The following METTL15 variants were observed in gnomAD, a reference collection of about 807,000 sequenced individuals.
METTL15 encodes the protein methyltransferase 15, mitochondrial 12S rRNA N4-cytidine, also known as 12S rRNA N(4)-cytidine methyltransferase METTL15.
A neutral mutation model predicts 38.3 loss-of-function variants in METTL15; 34 were observed. The observed-to-expected ratio is 0.89, with a 90% CI of 0.68 to 1.18. The LOEUF is 1.18. Ranked by LOEUF, METTL15 falls within the 50% of genes most tolerant of loss-of-function variation. METTL15 has a pLI of 0.00. For synonymous variants in METTL15, 162 were observed against 170.9 expected (o/e 0.95, Z 0.41); for missense variants, 438 against 498.4 (o/e 0.88, Z 1.15).
intron 6 of METTL15, among the ~76,000 whole-genome samples, chr11:28,301,363 C>T (rs1446002120): frequency 6.6e-6 from 1 of 152,036 alleles, no homozygotes; most frequent in Non-Finnish European, 1.5e-5. Context: ...AAGTTTTTTC[C>T]AACTTTACTC....
intron 6 of METTL15, among the ~76,000 whole-genome samples, chr11:28,520,420 G>T (rs1258626763): frequency 6.6e-6 from 1 of 152,142 alleles, no homozygotes; most frequent in Non-Finnish European, 1.5e-5. Context: ...AGAAGACCTG[G>T]GTGAGGCTGC....
At chr11:28,522,351 A>G (rs2133513188) in intron 6 of METTL15, among the ~76,000 whole-genome samples, 1 of 152,352 alleles carries the variant, frequency 6.6e-6, no homozygotes, top group East Asian at 1.9e-4. Context: ...AAAATCTGCA[A>G]AATGGCCCAG....
At chr11:28,250,703 A>T (rs1854704671) in intron 4 of METTL15, among the ~76,000 whole-genome samples, 1 of 152,070 alleles carries the variant, frequency 6.6e-6, no homozygotes, top group African/African-American at 2.4e-5. Context: ...AAGCCAAATC[A>T]ACCTTCTCTT....
intron 6 of METTL15, among the ~76,000 whole-genome samples, chr11:28,454,125 G>A (rs998843234): frequency 1.3e-5 from 2 of 152,180 alleles, no homozygotes; most frequent in Non-Finnish European, 2.9e-5. Context: ...AGTAGAATTT[G>A]TTTAGTTCTA....
intron 4 of METTL15, among the ~76,000 whole-genome samples, chr11:28,226,360 G>T (rs1055837626): frequency 6.6e-6 from 1 of 151,850 alleles, no homozygotes; most frequent in Non-Finnish European, 1.5e-5. Context: ...TGTTTTGTTT[G>T]TTTTCAGAAA....
chr11:28,501,905 CTGGCT>C (rs1457966497), intron 6 of METTL15, among the ~76,000 whole-genome samples: 1 of 152,090 alleles, frequency 6.6e-6, no homozygotes, highest in Non-Finnish European at 1.5e-5. Context: ...CGAGACTATC[CTGGCT>C]AGCGTGGTGA....
chr11:28,302,700 A>C (rs1287334845), intron 6 of METTL15, among the ~76,000 whole-genome samples: 3 of 152,172 alleles, frequency 2.0e-5, no homozygotes, highest in Non-Finnish European at 4.4e-5. Flanking sequence ...TATCAGCAGC[A>C]TGAAAATGAC....
intron 5 of METTL15, among the ~76,000 whole-genome samples, chr11:28,392,065 T>A (rs1228519177): frequency 2.0e-5 from 3 of 152,118 alleles, no homozygotes; most frequent in Non-Finnish European, 4.4e-5. Context: ...AATCTACTCT[T>A]CAGACAAAGG....
chr11:28,527,176 G>T (rs1257268183), downstream of METTL15: 1 of 152,152 alleles, frequency 6.6e-6, no homozygotes, highest in Non-Finnish European at 1.5e-5. Flanking sequence ...AAGAACACTT[G>T]ATTTATTTTA....
At chr11:28,327,961 A>C in intron 6 of METTL15, 1 of 835,882 alleles carries the variant, frequency 1.2e-6, no homozygotes, top group East Asian at 3.1e-5. Flanking sequence ...ATTTCTGCAA[A>C]ATATCAAAGA....
chr11:28,417,370 A>G (rs1277598278), intron 5 of METTL15, among the ~76,000 whole-genome samples: 2 of 152,218 alleles, frequency 1.3e-5, no homozygotes, highest in African/African-American at 4.8e-5. Context: ...TTTAAGTCCC[A>G]ATCTATTGTC....
intron 4 of METTL15, among the ~76,000 whole-genome samples, chr11:28,269,334 T>C (rs1382821660): frequency 6.6e-6 from 1 of 152,052 alleles, no homozygotes; most frequent in Non-Finnish European, 1.5e-5. Flanking sequence ...CATGAATATA[T>C]ATGCATGTGC....
intron 3 of METTL15, among the ~76,000 whole-genome samples, chr11:28,124,953 C>G (rs1411713380): frequency 6.6e-6 from 1 of 151,986 alleles, no homozygotes; most frequent in Non-Finnish European, 1.5e-5. Flanking sequence ...AGTAGAAAAA[C>G]TTGATTTTTC....
intron 6 of METTL15, among the ~76,000 whole-genome samples, chr11:28,298,265 T>G (rs1856806361): frequency 1.3e-5 from 2 of 152,152 alleles, no homozygotes; most frequent in Non-Finnish European, 2.9e-5. Context: ...CTTTCTGTAA[T>G]TATTTAGCTA....
chr11:28,288,174 G>A (rs536606649), intron 4 of METTL15, among the ~76,000 whole-genome samples: 23 of 152,192 alleles, frequency 1.5e-4, no homozygotes, highest in African/African-American at 5.5e-4. Flanking sequence ...ATAGATGCTG[G>A]CGAGGTTGCA....
At chr11:28,220,777 T>C (rs868363259) in intron 4 of METTL15, among the ~76,000 whole-genome samples, 24 of 152,090 alleles carry the variant, frequency 1.6e-4, no homozygotes, top group South Asian at 2.1e-4. Flanking sequence ...AATCTCTCAG[T>C]ATTTGCTTGT....
intron 5 of METTL15, among the ~76,000 whole-genome samples, chr11:28,400,654 T>C (rs1850622332): frequency 6.6e-6 from 1 of 151,992 alleles, no homozygotes; most frequent in Non-Finnish European, 1.5e-5. Context: ...TCTTGCTCAG[T>C]GGTCTATACA....
intron 5 of METTL15, among the ~76,000 whole-genome samples, chr11:28,364,077 A>G (rs1227824454): frequency 6.6e-6 from 1 of 152,164 alleles, no homozygotes; most frequent in Non-Finnish European, 1.5e-5. Context: ...TGTTTTGATT[A>G]CTGTAGGCTT....
chr11:28,327,498 A>C (rs1219010103), intron 6 of METTL15: 2 of 152,500 alleles, frequency 1.3e-5, no homozygotes, highest in Non-Finnish European at 1.5e-5. Flanking sequence ...CTTAATGTGA[A>C]CATGATTTAT....
Sources: gnomAD v4.1 joint callset for allele counts (sites outside exome capture counted in the v4.1 genomes callset) on GRCh38, gnomAD v4.1.1 for gene constraint, MANE v1.5 for transcripts, NCBI Gene and HGNC (gene_info 2026-07-23, HGNC 2026-07-21) for gene names.